ZNF334: variants seen among roughly 807,000 people sequenced by gnomAD.
ZNF334 encodes the protein zinc finger protein 334.
Under a neutral mutation model 12.4 loss-of-function variants are expected in ZNF334, and 14 were observed. The ratio of observed to expected loss-of-function variants is 1.13; its 90% CI spans 0.74 to 1.76. The LOEUF (loss-of-function observed/expected upper bound fraction) is 1.76, where lower values mean the gene tolerates loss of function less well. Among genes scored for constraint, ZNF334 ranks in the 40% most tolerant of loss-of-function variants. The probability of loss-of-function intolerance (pLI) is 0.00; values close to 1 mark genes in which losing one functional copy is unlikely to be tolerated. For synonymous variants in ZNF334, 273 were observed against 269.6 expected (o/e 1.01, Z -0.12); for missense variants, 797 against 804.5 (o/e 0.99, Z 0.11).
the ZNF334 span, among the ~76,000 whole-genome samples, chr20:46,463,086 A>C: frequency 6.6e-6 from 1 of 152,192 alleles, no homozygotes; most frequent in African/African-American, 2.4e-5. Context: ...GTCTCTACCA[A>C]AAATACAAAA....
chr20:46,473,200 T>C, the ZNF334 span, among the ~76,000 whole-genome samples: 1 of 152,246 alleles, frequency 6.6e-6, no homozygotes, highest in Non-Finnish European at 1.5e-5. Context: ...AAAAGATTCA[T>C]TTCTTCTGTT....
At chr20:46,471,247 AT>A in the ZNF334 span, among the ~76,000 whole-genome samples, 2 of 152,116 alleles carry the variant, frequency 1.3e-5, no homozygotes, top group Non-Finnish European at 2.9e-5. Context: ...CCTATTGTCC[AT>A]TTTGATATTG....
At chr20:46,466,291 TTTG>T in the ZNF334 span, among the ~76,000 whole-genome samples, 5 of 152,122 alleles carry the variant, frequency 3.3e-5, no homozygotes, top group African/African-American at 4.8e-5. Context: ...AGAAAATACA[TTTG>T]TTAAGTATAT....
the ZNF334 span, among the ~76,000 whole-genome samples, chr20:46,480,044 C>T: frequency 2.7e-3 from 409 of 152,260 alleles, 3 homozygotes; most frequent in African/African-American, 9.1e-3. Context: ...TTGCCTGTAA[C>T]TTGTCTCCCT....
intron 2 of ZNF334, among the ~76,000 whole-genome samples, chr20:46,507,615 T>C (rs68056342): frequency 0.17 from 25,229 of 152,180 alleles, 2,272 homozygotes; most frequent in Middle Eastern, 0.19. Context: ...CAGTAAAAAA[T>C]AGGCATGCTG....
the ZNF334 span, among the ~76,000 whole-genome samples, chr20:46,478,623 G>T: frequency 6.6e-6 from 1 of 152,190 alleles, no homozygotes; most frequent in Non-Finnish European, 1.5e-5. Flanking sequence ...TTCCCATCAT[G>T]GCCTGAACTA....
At chr20:46,503,138 T>C in intron 4 of ZNF334, 41 bp from the exon 5 acceptor site, 1 of 1,527,346 alleles carries the variant, frequency 6.5e-7, no homozygotes, top group Non-Finnish European at 8.8e-7. Flanking sequence ...GGTGAGCCTT[T>C]ATATGTTTGC....
the ZNF334 span, among the ~76,000 whole-genome samples, chr20:46,471,515 T>G: frequency 6.6e-6 from 1 of 152,222 alleles, no homozygotes; most frequent in Non-Finnish European, 1.5e-5. Flanking sequence ...TTTGTCCTAT[T>G]TAAGACACCT....
the ZNF334 span, among the ~76,000 whole-genome samples, chr20:46,494,140 T>C: frequency 6.6e-6 from 1 of 152,252 alleles, no homozygotes; most frequent in African/African-American, 2.4e-5. Flanking sequence ...CTTTCTAGTA[T>C]ATGCTAACAC....
At chr20:46,464,986 G>T in the ZNF334 span, 1 of 443,650 alleles carries the variant, frequency 2.3e-6, no homozygotes, top group Non-Finnish European at 4.6e-6. Context: ...CATCTGCAGC[G>T]GCCTCCATAA....
At chr20:46,506,382 C>A in intron 2 of ZNF334, 2 of 559,304 alleles carry the variant, frequency 3.6e-6, no homozygotes, top group South Asian at 2.4e-5. Context: ...TCCCAGCACT[C>A]TGAGAGGTTG....
In ZNF334 at chr20:46,500,966, A is replaced by G; in HGVS notation, c.*330T>C. On this transcript the variant is annotated 3_prime_UTR_variant, in exon 5 of 5. Coordinates refer to ENST00000692313, the MANE Select transcript of ZNF334 (RefSeq NM_001353824.2). ...CAGATCCTCACACCTCGTAACATAC[A>G]CTATCAAGTAACACTGTGGGGAGGA... 4.1e-6 allele frequency: 1 copy of G among 242,584 alleles called. No homozygotes were observed. Among genetic ancestry groups the G allele is most frequent in the Non-Finnish European group, 8.0e-6 (1 of 124,806 alleles). 15.0% of individuals were successfully genotyped at this position (242,584 alleles called of 1,614,324 possible).
At chr20:46,477,467 T>A in the ZNF334 span, among the ~76,000 whole-genome samples, 2 of 152,164 alleles carry the variant, frequency 1.3e-5, no homozygotes, top group Non-Finnish European at 2.9e-5. Flanking sequence ...GCCTCCCAAG[T>A]AGCCTGGACT....
the ZNF334 span, among the ~76,000 whole-genome samples, chr20:46,479,315 ACTCAG>A: frequency 9.2e-5 from 14 of 152,138 alleles, no homozygotes; most frequent in Non-Finnish European, 2.1e-4. Context: ...AATTGTCCCA[ACTCAG>A]GATTCTGTAA....
intron 3 of ZNF334, 140 bp from the exon 4 acceptor site, chr20:46,504,446 G>C (rs1167401023): frequency 4.4e-6 from 5 of 1,138,144 alleles, no homozygotes; most frequent in Non-Finnish European, 1.3e-6. Flanking sequence ...TTTTGGTGAA[G>C]GGTAGGGGAA....
the ZNF334 span, among the ~76,000 whole-genome samples, chr20:46,493,939 A>C: frequency 6.6e-6 from 1 of 152,200 alleles, no homozygotes; most frequent in Non-Finnish European, 1.5e-5. Flanking sequence ...AAGCCAAAAA[A>C]TAAGTGGATA....
Position 46,501,490 on chromosome 20 carries a change from C to T in ZNF334, c.1849G>A (p.Val617Ile). The T allele has an allele frequency of 6.2e-7, 1 of 1,613,856 alleles. No homozygotes were observed. Among genetic ancestry groups the T allele is most frequent in the Non-Finnish European group, 8.5e-7 (1 of 1,179,940 alleles). ...TCTCCTGTGTGAATTCTTCTATGGA[C>T]TCTGAAGGCTGACTTATGGCAGAAG... ...KSFCHKSAFR[V>I]HRRIHTGEKP... The change falls in exon 5 of 5, where the codon GTC (valine) becomes ATC (isoleucine). Residue 617 changes from valine to isoleucine, a missense_variant. Transcript: ENST00000692313.
chr20:46,479,899 G>GT, the ZNF334 span, among the ~76,000 whole-genome samples: 1 of 152,198 alleles, frequency 6.6e-6, no homozygotes, highest in African/African-American at 2.4e-5. Flanking sequence ...ATTTCAAATA[G>GT]TTTAACTCTT....
the ZNF334 span, chr20:46,463,609 A>G: frequency 5.5e-6 from 1 of 182,340 alleles, no homozygotes. Context: ...ATCTGGTTGA[A>G]AACAGATGAC....
Sources: gnomAD v4.1 joint callset for allele counts (sites outside exome capture counted in the v4.1 genomes callset) on GRCh38, gnomAD v4.1.1 for gene constraint, MANE v1.5 for transcripts, NCBI Gene and HGNC (gene_info 2026-07-23, HGNC 2026-07-21) for gene names.